Variants in TAF4B observed in about 807,000 individuals in gnomAD.
TAF4B encodes transcription initiation factor TFIID subunit 4B.
In TAF4B, 38 loss-of-function variants were observed where a neutral mutation model predicts 86.4. That is an observed-to-expected ratio of 0.44 (90% CI 0.34 to 0.58). The LOEUF (loss-of-function observed/expected upper bound fraction) is 0.58, where lower values mean the gene tolerates loss of function less well. TAF4B is among the 20% of genes least tolerant of loss of function. TAF4B has a pLI of 0.02. For missense variants in TAF4B, 988 were observed against 1,027.6 expected (o/e 0.96, Z 0.53); for synonymous variants, 388 against 391.2 (o/e 0.99, Z 0.10).
intron 3 of TAF4B, among the ~76,000 whole-genome samples, chr18:26,268,757 A>G (rs1425494219): frequency 6.6e-6 from 1 of 152,176 alleles, no homozygotes; most frequent in Non-Finnish European, 1.5e-5. Context: ...CTGCTGGATC[A>G]TGGTTACAAG....
intron 12 of TAF4B, among the ~76,000 whole-genome samples, chr18:26,332,414 C>A (rs1003846926): frequency 2.6e-5 from 4 of 152,154 alleles, no homozygotes; most frequent in Admixed American, 2.6e-4. Flanking sequence ...TCTTGGATCC[C>A]TACAGTGCAC....
intron 14 of TAF4B, among the ~76,000 whole-genome samples, chr18:26,382,613 T>C (rs1978296081): frequency 6.6e-6 from 1 of 152,118 alleles, no homozygotes; most frequent in Non-Finnish European, 1.5e-5. Context: ...TTGGTTTGGC[T>C]TAAAGCTGAC....
chr18:26,237,854 G>C (rs558888602), intron 1 of TAF4B, among the ~76,000 whole-genome samples: 1 of 152,164 alleles, frequency 6.6e-6, no homozygotes, highest in African/African-American at 2.4e-5. Flanking sequence ...CAGGTTTTTT[G>C]GGTCAAATTG....
At chr18:26,239,709 T>C (rs2055806534) in intron 1 of TAF4B, among the ~76,000 whole-genome samples, 1 of 152,254 alleles carries the variant, frequency 6.6e-6, no homozygotes, top group African/African-American at 2.4e-5. Context: ...TCTAGAGTTT[T>C]CATGGTTTTA....
At chr18:26,281,942 A>C (rs1165655363) in intron 5 of TAF4B, 29 bp from the exon 6 acceptor site, 1 of 1,520,668 alleles carries the variant, frequency 6.6e-7, no homozygotes, top group Non-Finnish European at 9.1e-7. Context: ...TGTAGACTTA[A>C]AATTGTTTCT....
intron 14 of TAF4B, among the ~76,000 whole-genome samples, chr18:26,386,257 T>C (rs2144404895): frequency 6.6e-6 from 1 of 152,244 alleles, no homozygotes; most frequent in East Asian, 1.9e-4. Flanking sequence ...GCTTGTCACA[T>C]GACAAACATG....
intron 9 of TAF4B, chr18:26,295,298 TC>T: frequency 3.3e-6 from 1 of 300,614 alleles, no homozygotes; most frequent in Non-Finnish European, 6.7e-6. Flanking sequence ...GGTAAATTCC[TC>T]AGGAAAGGCT....
chr18:26,340,499 C>T (rs1318931043), intron 13 of TAF4B, among the ~76,000 whole-genome samples: 3 of 152,126 alleles, frequency 2.0e-5, no homozygotes, highest in African/African-American at 7.2e-5. Context: ...TTGTGTATGA[C>T]AGCAGAGAAA....
intron 1 of TAF4B, 34 bp downstream of exon 1, chr18:26,227,310 G>C: frequency 6.3e-7 from 1 of 1,583,396 alleles, no homozygotes; most frequent in Non-Finnish European, 8.6e-7. Flanking sequence ...CTTGTCTGTC[G>C]GTCCAGCTGG....
intron 9 of TAF4B, among the ~76,000 whole-genome samples, chr18:26,312,911 A>G (rs2056867095): frequency 6.6e-6 from 1 of 152,178 alleles, no homozygotes; most frequent in Non-Finnish European, 1.5e-5. Context: ...AATATCACCA[A>G]TTATTTTGAT....
intron 7 of TAF4B, among the ~76,000 whole-genome samples, chr18:26,288,405 C>T (rs908883434): frequency 6.6e-6 from 1 of 152,076 alleles, no homozygotes; most frequent in Non-Finnish European, 1.5e-5. Flanking sequence ...GAGGCCGAGG[C>T]GGGCGGATCA....
intron 3 of TAF4B, among the ~76,000 whole-genome samples, chr18:26,270,710 T>G (rs2056301907): frequency 6.6e-6 from 1 of 150,834 alleles, no homozygotes; most frequent in African/African-American, 2.5e-5. Context: ...AACTTAGAGT[T>G]TCTTGCAACT....
At chr18:26,258,586 C>G (rs1266491029) in intron 1 of TAF4B, among the ~76,000 whole-genome samples, 9 of 152,052 alleles carry the variant, frequency 5.9e-5, no homozygotes, top group African/African-American at 2.2e-4. Flanking sequence ...TTTGTTTTTT[C>G]CACGTGAATT....
chr18:26,250,018 C>T (rs1048306660), intron 1 of TAF4B, among the ~76,000 whole-genome samples: 8 of 152,096 alleles, frequency 5.3e-5, no homozygotes, highest in South Asian at 2.1e-4. Context: ...CCACTGCAGC[C>T]GTCCAGTTTT....
intron 11 of TAF4B, among the ~76,000 whole-genome samples, chr18:26,323,608 T>C (rs2056980914): frequency 6.6e-6 from 1 of 151,758 alleles, no homozygotes; most frequent in Non-Finnish European, 1.5e-5. Context: ...ATTCTGTCAA[T>C]GTTTGTTTGC....
rs754113735 is a variant in TAF4B, at chr18:26,295,685, CTA to C, written c.1832+2156_1832+2157del. Among the ~76,000 whole-genome samples the C allele has an allele frequency of 1.6e-4, 25 of 152,196 alleles. 1 individual carries two copies. Among genetic ancestry groups the C allele is most frequent in the Non-Finnish European group, 3.4e-4 (23 of 68,032 alleles). On this transcript the variant is annotated intron_variant, in intron 9 of 14. Coordinates refer to ENST00000269142, the MANE Select transcript of TAF4B (RefSeq NM_005640.3). ...TGTCCTAAGTTGTTGTATGTTAAAACTATTTTTCAGTGTCTTTTGATACTTGA... is the reference window on the plus strand; with the variant it reads ...TGTCCTAAGTTGTTGTATGTTAAAACTTTTTCAGTGTCTTTTGATACTTGA...
chr18:26,350,044 C>T (rs1164250974), intron 13 of TAF4B, among the ~76,000 whole-genome samples: 1 of 152,098 alleles, frequency 6.6e-6, no homozygotes, highest in Non-Finnish European at 1.5e-5. Flanking sequence ...CCACCTCTTA[C>T]CCTATTAAAA....
intron 14 of TAF4B, among the ~76,000 whole-genome samples, chr18:26,372,185 A>G (rs1208823937): frequency 1.3e-5 from 2 of 152,218 alleles, no homozygotes; most frequent in African/African-American, 2.4e-5. Flanking sequence ...GAGAGAAAGT[A>G]AAATGGAAGC....
chr18:26,295,852 T>C (rs1285691296), intron 9 of TAF4B, among the ~76,000 whole-genome samples: 1 of 152,222 alleles, frequency 6.6e-6, no homozygotes, highest in Non-Finnish European at 1.5e-5. Context: ...CTCATAGTTT[T>C]GCCCTAGAAT....
Sources: allele counts gnomAD v4.1 joint callset (sites outside exome capture counted in the v4.1 genomes callset), GRCh38; gene constraint gnomAD v4.1.1; transcripts MANE v1.5; gene names NCBI Gene and HGNC (gene_info 2026-07-23, HGNC 2026-07-21).